The following CR1L variants were observed in gnomAD, a reference collection of about 807,000 sequenced individuals.
The protein encoded by CR1L is complement C3b/C4b receptor 1 like, also known as complement component receptor 1-like protein.
A neutral mutation model predicts 62.3 loss-of-function variants in CR1L; 59 were observed. The ratio of observed to expected loss-of-function variants is 0.95; its 90% CI spans 0.77 to 1.18. The LOEUF is 1.18. Among genes scored for constraint, CR1L ranks in the 50% most tolerant of loss-of-function variants. The pLI is 0.00. For synonymous variants in CR1L, 279 were observed against 248.7 expected (o/e 1.12, Z -1.15); for missense variants, 700 against 702.8 (o/e 1.00, Z 0.04).
chr1:207,704,277 G>A (rs1406288370), intron 9 of CR1L, among the ~76,000 whole-genome samples: 1 of 152,220 alleles, frequency 6.6e-6, no homozygotes, highest in Non-Finnish European at 1.5e-5. Flanking sequence ...AGGTGTGACT[G>A]TATTGCTACA....
In CR1L at chr1:207,690,757, T is replaced by C. The variant is rs536505283; in HGVS notation, c.464-3596T>C. On this transcript the variant is annotated intron_variant, in intron 4 of 11. Coordinates refer to ENST00000508064, the MANE Select transcript of CR1L (RefSeq NM_175710.2). ...TCTGCAAGCTGTTCTGTGCCTCTCTTCAGGCTTCCTTCCAGTGGCTGCTGG... is the reference window on the plus strand; with the variant it reads ...TCTGCAAGCTGTTCTGTGCCTCTCTCCAGGCTTCCTTCCAGTGGCTGCTGG... 1.8e-3 allele frequency among the ~76,000 whole-genome samples: 280 copies of C among 152,336 alleles called. 2 individuals carry two copies. The highest frequency in any genetic ancestry group is 6.2e-3 in the African/African-American group (256 of 41,584).
chr1:207,650,998 G>C (rs1226500711), intron 1 of CR1L, among the ~76,000 whole-genome samples: 1 of 151,988 alleles, frequency 6.6e-6, no homozygotes, highest in Admixed American at 6.6e-5. Context: ...TGTTAGCCAG[G>C]ATGGTCTCTA....
At chr1:207,710,478 G>A (rs956974803) in intron 10 of CR1L, 4 of 1,605,818 alleles carry the variant, frequency 2.5e-6, no homozygotes, top group African/African-American at 2.7e-5. Flanking sequence ...ACCTACCACT[G>A]CAATCTTGGA....
chr1:207,699,322 T>A (rs201260912), intron 8 of CR1L, 48 bp downstream of exon 8: 6 of 1,608,608 alleles, frequency 3.7e-6, no homozygotes, highest in Non-Finnish European at 5.1e-6. Flanking sequence ...CCTTCATCTG[T>A]TCAGTATTTG....
Position 207,678,271 on chromosome 1 carries a change from C to G in CR1L, c.351C>G (p.Ser117=), listed in dbSNP as rs1471261920. Residue 117 remains serine (S), a synonymous_variant, in exon 3 of 12, where the codon TCC becomes TCG. Transcript: ENST00000508064. Reference sequence around the variant, plus strand: ...TGATCAAAGACATCCAGTTCAGATCCCAAATTAAATATTCTTGTCCTAAAG... The same window carrying G: ...TGATCAAAGACATCCAGTTCAGATCGCAAATTAAATATTCTTGTCCTAAAG... The part of the protein sequence containing the change: ...AHVIKDIQFR[S]QIKYSCPKGY... 1.2e-6 allele frequency: 2 copies of G among 1,613,296 alleles called. No homozygotes were observed. The highest frequency in any genetic ancestry group is 2.7e-5 in the African/African-American group (2 of 74,906).
intron 5 of CR1L, among the ~76,000 whole-genome samples, chr1:207,695,045 C>T (rs1664054823): frequency 6.6e-6 from 1 of 152,138 alleles, no homozygotes; most frequent in Non-Finnish European, 1.5e-5. Context: ...ATTCTTCCAG[C>T]CAGGCACCAT....
intron 1 of CR1L, among the ~76,000 whole-genome samples, chr1:207,647,244 G>A (rs1271757014): frequency 2.6e-5 from 4 of 152,210 alleles, no homozygotes; most frequent in Non-Finnish European, 5.9e-5. Flanking sequence ...ACTGGGGGGA[G>A]GGAAGGCTTT....
chr1:207,723,478 G>T, intron 11 of CR1L, 140 bp from the exon 12 acceptor site: 1 of 699,746 alleles, frequency 1.4e-6, no homozygotes, highest in Non-Finnish European at 2.3e-6. Context: ...GAGTATATGA[G>T]TGAAATCAAT....
chr1:207,696,537 G>A (rs138885428), intron 5 of CR1L, among the ~76,000 whole-genome samples: 91 of 152,256 alleles, frequency 6.0e-4, no homozygotes, highest in African/African-American at 2.1e-3. Context: ...ACATCACCAG[G>A]CATTGATTAG....
chr1:207,674,602 A>C (rs1663660890), intron 1 of CR1L, among the ~76,000 whole-genome samples: 1 of 152,176 alleles, frequency 6.6e-6, no homozygotes, highest in Admixed American at 6.5e-5. Context: ...AATTAAGGGG[A>C]AGGAACTTCT....
intron 11 of CR1L, among the ~76,000 whole-genome samples, chr1:207,719,651 C>T (rs753699101): frequency 2.6e-5 from 4 of 151,908 alleles, no homozygotes; most frequent in Non-Finnish European, 5.9e-5. Flanking sequence ...CCTGGGAGGT[C>T]GAGGCTGCAG....
chr1:207,645,205 G>C lies in CR1L; in HGVS notation c.-29G>C. On this transcript the variant is annotated 5_prime_UTR_variant, in exon 1 of 12. Coordinates refer to ENST00000508064, the MANE Select transcript of CR1L (RefSeq NM_175710.2). The stretch of plus-strand genomic sequence containing the variant: ...CTTTCGGTTTCTCTGCTCACCTCCG[G>C]ATAAATCACGGGGTCTCCCGCGCCG... 6.2e-7 allele frequency: 1 copy of C among 1,610,346 alleles called. No individual in the cohort carries two copies. Among genetic ancestry groups the C allele is most frequent in the Non-Finnish European group, 8.5e-7 (1 of 1,178,720 alleles).
intron 10 of CR1L, chr1:207,711,282 A>C (rs1664353556): frequency 5.6e-6 from 1 of 178,962 alleles, no homozygotes; most frequent in Non-Finnish European, 1.2e-5. Context: ...CAATTCTTCT[A>C]CCAACCCATG....
In CR1L at chr1:207,674,516, T is replaced by C. The variant is rs114275766; in HGVS notation, c.98-2873T>C. Among the ~76,000 whole-genome samples, 573 of 152,334 alleles carry C rather than the reference T, an allele frequency of 3.8e-3. 3 individuals carry two copies. Among genetic ancestry groups the C allele is most frequent in the African/African-American group, 0.013 (557 of 41,582 alleles). ...TCTTTGTTGAAGGCTCATATGTTCC[T>C]TTTTTGGGCTACTACGCAAATTTAT... is the stretch of plus-strand genomic sequence containing the variant. On this transcript the variant is annotated intron_variant, in intron 1 of 11. Coordinates refer to ENST00000508064, the MANE Select transcript of CR1L (RefSeq NM_175710.2).
chr1:207,721,863 G>A (rs1654142737), intron 11 of CR1L, among the ~76,000 whole-genome samples: 2 of 128,084 alleles, frequency 1.6e-5, no homozygotes, highest in Non-Finnish European at 3.3e-5. Context: ...GTTGTTTCCT[G>A]ACTTTTTAAT....
chr1:207,716,564 G>GA (rs1654004850), intron 10 of CR1L, among the ~76,000 whole-genome samples: 1 of 151,932 alleles, frequency 6.6e-6, no homozygotes, highest in Non-Finnish European at 1.5e-5. Flanking sequence ...ATAACTTACA[G>GA]AAATCAATTT....
chr1:207,658,329 A>G (rs1663350870), intron 1 of CR1L: 1 of 151,246 alleles, frequency 6.6e-6, no homozygotes, highest in Non-Finnish European at 1.5e-5. Flanking sequence ...GAGAAGATCA[A>G]TGAAACCAAC....
intron 1 of CR1L, among the ~76,000 whole-genome samples, chr1:207,664,045 G>A (rs773916519): frequency 3.3e-5 from 5 of 152,168 alleles, no homozygotes; most frequent in Non-Finnish European, 7.3e-5. Flanking sequence ...CAACTGAAAG[G>A]CAGGAAAAGT....
At chr1:207,707,882 A>G (rs1664294004) in intron 9 of CR1L, among the ~76,000 whole-genome samples, 1 of 152,084 alleles carries the variant, frequency 6.6e-6, no homozygotes, top group African/African-American at 2.4e-5. Flanking sequence ...AGAACTTAAG[A>G]AAGAAATTGT....
Sources: allele counts gnomAD v4.1 joint callset (sites outside exome capture counted in the v4.1 genomes callset), GRCh38; gene constraint gnomAD v4.1.1; transcripts MANE v1.5; gene names NCBI Gene and HGNC (gene_info 2026-07-23, HGNC 2026-07-21).